CELF2: variants seen among roughly 807,000 people sequenced by gnomAD.
CELF2 encodes the protein CUGBP Elav-like family member 2, also known as CUG triplet repeat RNA-binding protein 2.
In CELF2, 8 loss-of-function variants were observed where a neutral mutation model predicts 62.6. That is an observed-to-expected ratio of 0.13 (90% confidence interval 0.07 to 0.23). The LOEUF (loss-of-function observed/expected upper bound fraction) is 0.23, where lower values mean the gene tolerates loss of function less well. Among genes scored for constraint, CELF2 ranks in the 10% least tolerant of loss-of-function variants. CELF2 has a pLI of 1.00. For missense variants in CELF2, 333 were observed against 671.0 expected (o/e 0.50, Z 5.56); for synonymous variants, 258 against 250.0 (o/e 1.03, Z -0.30).
At chr10:11,044,754 G>A (rs1157052943) in intron 1 of CELF2, among the ~76,000 whole-genome samples, 3 of 152,064 alleles carry the variant, frequency 2.0e-5, no homozygotes, top group African/African-American at 7.2e-5. Context: ...GTTCTAATAA[G>A]GATCTCACTT....
the CELF2 span, among the ~76,000 whole-genome samples, chr10:10,737,808 A>G: frequency 6.6e-6 from 1 of 152,176 alleles, no homozygotes; most frequent in African/African-American, 2.4e-5. Flanking sequence ...AGAAACACCC[A>G]GCTATAATCT....
the CELF2 span, among the ~76,000 whole-genome samples, chr10:10,485,098 G>A: frequency 6.6e-6 from 1 of 151,934 alleles, no homozygotes; most frequent in Non-Finnish European, 1.5e-5. Flanking sequence ...TCTGCCAAGG[G>A]GATTGGCCTT....
chr10:11,002,550 G>A (rs189658346), upstream of CELF2, among the ~76,000 whole-genome samples: 3 of 152,258 alleles, frequency 2.0e-5, no homozygotes, highest in Admixed American at 2.0e-4. The surrounding 1 kb of genome is among the most constrained non-coding windows in gnomAD (Gnocchi z 4.4). Flanking sequence ...CCCAGCAGTC[G>A]GTAGAATGAG....
At chr10:10,991,254 T>C (rs561294083) in intron 2 of CELF2, among the ~76,000 whole-genome samples, 1 of 152,300 alleles carries the variant, frequency 6.6e-6, no homozygotes, top group African/African-American at 2.4e-5. Context: ...GTGTGCTGTT[T>C]GTTCAAGGTA....
chr10:11,298,569 A>G (rs2093413739), intron 9 of CELF2, among the ~76,000 whole-genome samples: 1 of 152,244 alleles, frequency 6.6e-6, no homozygotes. Context: ...TTGTCTTTCT[A>G]GAGTATGTAG....
the CELF2 span, among the ~76,000 whole-genome samples, chr10:10,714,508 A>G: frequency 1.3e-5 from 2 of 152,170 alleles, no homozygotes; most frequent in East Asian, 1.9e-4. Context: ...AAAATCACAG[A>G]CTACCTTGCA....
At chr10:10,673,351 G>C in the CELF2 span, among the ~76,000 whole-genome samples, 1 of 152,010 alleles carries the variant, frequency 6.6e-6, no homozygotes, top group South Asian at 2.1e-4. Context: ...TCCTTGCCTT[G>C]TTCATGATCT....
At chr10:10,943,793 C>T (rs541703377) in intron 2 of CELF2, among the ~76,000 whole-genome samples, 2 of 144,786 alleles carry the variant, frequency 1.4e-5, no homozygotes, top group Non-Finnish European at 1.5e-5. Context: ...GGAGAGATGG[C>T]GTTTTGCCAT....
Position 11,075,542 on chromosome 10 carries a change from A to G in CELF2, c.74+57379A>G, listed in dbSNP as rs995262333. On this transcript the variant is annotated intron_variant, in intron 1 of 12. Coordinates refer to ENST00000633077, the MANE Select transcript of CELF2 (RefSeq NM_001326342.2). This position sits in a 1 kb window ranked among gnomAD's most constrained non-coding sequence, Gnocchi z 5.4. The stretch of plus-strand genomic sequence containing the variant: ...TTTTATTCTATCTGCAAAGAGCTCT[A>G]AGAAACTCAAAAGAAGGCTGCTGTG... Among the ~76,000 whole-genome samples the G allele has an allele frequency of 2.0e-5, 3 of 152,198 alleles. No individual in the cohort carries two copies. The highest frequency in any genetic ancestry group is 4.8e-5 in the African/African-American group (2 of 41,454).
intron 1 of CELF2, among the ~76,000 whole-genome samples, chr10:11,153,360 G>C (rs1252852215): frequency 1.3e-5 from 2 of 152,108 alleles, no homozygotes; most frequent in East Asian, 3.9e-4. Context: ...ATCACCGTCT[G>C]ACATTTATCT....
At chr10:10,533,411 A>G in the CELF2 span, among the ~76,000 whole-genome samples, 7,788 of 152,260 alleles carry the variant, frequency 0.051, 630 homozygotes, top group African/African-American at 0.18. Flanking sequence ...ATCATTATGG[A>G]GACATAGGAA....
intron 1 of CELF2, among the ~76,000 whole-genome samples, chr10:11,023,409 C>A (rs1299863119): frequency 6.6e-6 from 1 of 152,198 alleles, no homozygotes; most frequent in Non-Finnish European, 1.5e-5. Flanking sequence ...TGGGAAAAAC[C>A]TATGTGGGAA....
In CELF2 at chr10:11,032,854, C is replaced by T. The variant is rs775279505; in HGVS notation, c.74+14691C>T. Among the ~76,000 whole-genome samples, 5 of 152,230 alleles carry T rather than the reference C, an allele frequency of 3.3e-5. No homozygotes were observed. In the South Asian group the frequency reaches 6.2e-4, roughly 19 times the overall value. ...TATTGGGTCATAATTAAATTGTGAA[C>T]AGTTAATGTATATATAGTGAATTAG... On this transcript the variant is annotated intron_variant, in intron 1 of 12. Transcript: ENST00000633077.
At chr10:11,172,778 A>G (rs550802051) in intron 2 of CELF2, among the ~76,000 whole-genome samples, 28 of 152,252 alleles carry the variant, frequency 1.8e-4, no homozygotes, top group African/African-American at 6.5e-4. Context: ...GCTTTTAACC[A>G]TTTTGTTTTC....
rs2132982795 is a variant in CELF2 at position 11,333,336 on chromosome 10, G to T, written c.*4283G>T. 6.5e-6 allele frequency: 1 copy of T among 152,678 alleles called. No individual in the cohort carries two copies. Among genetic ancestry groups the T allele is most frequent in the Non-Finnish European group, 1.5e-5 (1 of 68,016 alleles). The allele number at this position is 152,678 out of a possible 1,614,324, so 9.5% of individuals were successfully genotyped here. A position where few individuals can be genotyped will look rare whatever the true frequency, so the allele number is the denominator to read the frequency against. Reference sequence around the variant, plus strand: ...AGCTGCAAGGGTGCAAAGGGCCTGTGCCAGAAGAAAACACACACAGGGAAA... The same window carrying T: ...AGCTGCAAGGGTGCAAAGGGCCTGTTCCAGAAGAAAACACACACAGGGAAA... On this transcript the variant is annotated 3_prime_UTR_variant, in exon 13 of 13. Transcript: ENST00000633077.
intron 5 of CELF2, among the ~76,000 whole-genome samples, chr10:11,259,467 A>T (rs2079816290): frequency 6.6e-6 from 1 of 151,164 alleles, no homozygotes. Context: ...AAATCAGTTT[A>T]TGCATTCTCT....
At chr10:10,673,461 T>A in the CELF2 span, among the ~76,000 whole-genome samples, 2 of 152,140 alleles carry the variant, frequency 1.3e-5, no homozygotes, top group African/African-American at 2.4e-5. Flanking sequence ...CCTTACCAAT[T>A]TTATTATCTC....
the CELF2 span, among the ~76,000 whole-genome samples, chr10:10,716,658 T>C: frequency 6.6e-6 from 1 of 152,238 alleles, no homozygotes; most frequent in Non-Finnish European, 1.5e-5. Flanking sequence ...TATCAGTTTA[T>C]GGTCATGTTC....
intron 2 of CELF2, among the ~76,000 whole-genome samples, chr10:10,959,589 A>C (rs1280041390): frequency 6.6e-6 from 1 of 152,248 alleles, no homozygotes; most frequent in Admixed American, 6.5e-5. Flanking sequence ...CATGGATGGC[A>C]GGGATGTTCT....
Sources: allele counts gnomAD v4.1 joint callset (sites outside exome capture counted in the v4.1 genomes callset), GRCh38; gene constraint gnomAD v4.1.1; non-coding constraint Gnocchi (gnomAD v3.1); transcripts MANE v1.5; gene names NCBI Gene and HGNC (gene_info 2026-07-23, HGNC 2026-07-21).